The following CTSH variants were observed in gnomAD, a reference collection of about 807,000 sequenced individuals.
CTSH encodes the protein cathepsin H, also known as pro-cathepsin H.
In CTSH, 52 loss-of-function variants were observed where a neutral mutation model predicts 56.3. The observed-to-expected ratio is 0.92, with a 90% CI of 0.74 to 1.16. The LOEUF (loss-of-function observed/expected upper bound fraction) is 1.16, where lower values mean the gene tolerates loss of function less well. Among genes scored for constraint, CTSH ranks in the 50% most tolerant of loss-of-function variants. The probability of loss-of-function intolerance (pLI) is 0.00; values close to 1 mark genes in which losing one functional copy is unlikely to be tolerated. For synonymous variants in CTSH, 174 were observed against 155.7 expected (o/e 1.12, Z -0.88); for missense variants, 406 against 424.5 (o/e 0.96, Z 0.38).
chr15:78,928,062 C>T (rs1366338571), intron 8 of CTSH, among the ~76,000 whole-genome samples: 5 of 152,074 alleles, frequency 3.3e-5, no homozygotes, highest in Admixed American at 1.3e-4. Flanking sequence ...AAGTGGAGGC[C>T]GAGTCAGAGC....
At chr15:78,937,235 C>T in intron 3 of CTSH, 83 bp downstream of exon 3, 2 of 1,135,632 alleles carry the variant, frequency 1.8e-6, no homozygotes, top group South Asian at 1.3e-5. Flanking sequence ...GCTCCCTCCA[C>T]CCACCAGCCC....
Position 78,934,992 on chromosome 15 carries a change from G to T in CTSH, c.391C>A (p.Pro131Thr). The stretch of plus-strand genomic sequence containing the variant: ...GCCAGGCATACCTGATTTTTCACAG[G>T]TGAGACAAAATTTCCTTTTTTCCGC... Reference protein sequence around the residue: ...DWRKKGNFVSPVKNQGACGSC... With the variant: ...DWRKKGNFVSTVKNQGACGSC... Residue 131 changes from proline (P) to threonine (T), a missense_variant, in exon 5 of 12, where the codon CCT becomes ACT. Coordinates refer to ENST00000220166, the MANE Select transcript of CTSH (RefSeq NM_004390.5). 6.2e-7 allele frequency: 1 copy of T among 1,612,680 alleles called. No homozygotes were observed. The highest frequency in any genetic ancestry group is 8.5e-7 in the Non-Finnish European group (1 of 1,178,714).
chr15:78,931,347 C>A (rs1344953187), intron 7 of CTSH, 104 bp downstream of exon 7: 17 of 1,459,494 alleles, frequency 1.2e-5, no homozygotes, highest in Non-Finnish European at 1.6e-5. Context: ...TCGCCCAGGG[C>A]AGTGGTGGGT....
intron 3 of CTSH, among the ~76,000 whole-genome samples, chr15:78,936,180 CTTTTTTTTTTTTTTT>C (rs66819363): frequency 4.4e-5 from 4 of 90,866 alleles, no homozygotes; most frequent in Non-Finnish European, 9.2e-5. Context: ...CTTTTCTTTT[CTTTTTTTTTTTTTTT>C]TTTTTGAGAC....
rs201782561 is a variant in CTSH, at chr15:78,937,348, C to T, written c.199G>A (p.Ala67Thr). 1.9e-5 allele frequency: 31 copies of T among 1,613,902 alleles called. No homozygotes were observed. The highest frequency in any genetic ancestry group is 2.5e-5 in the Non-Finnish European group (30 of 1,179,938). The change falls in exon 3 of 12, where the codon GCC becomes ACC. Residue 67 changes from alanine to threonine, a missense_variant. Transcript: ENST00000220166. ...TFASNWRKIN[A>T]HNNGNHTFKM... is the part of the protein sequence containing the mutation. The stretch of plus-strand genomic sequence containing the variant: ...AATGTGTGGTTCCCATTGTTGTGGG[C>T]GTTTATCTTCCTCCAGTTGCTGGCA...
intron 1 of CTSH, among the ~76,000 whole-genome samples, chr15:78,944,069 A>AC (rs1014348530): frequency 1.5e-4 from 23 of 151,504 alleles, no homozygotes; most frequent in South Asian, 2.1e-4. Context: ...AGCTCAGGGC[A>AC]CCCCCCCTCC....
chr15:78,929,961 G>A (rs1218649636), intron 7 of CTSH, among the ~76,000 whole-genome samples: 1 of 152,204 alleles, frequency 6.6e-6, no homozygotes, highest in African/African-American at 2.4e-5. Context: ...CCAAAAGTGG[G>A]TCTTTTCTAC....
At chr15:78,934,795 C>T (rs1368211650) in intron 5 of CTSH, 183 bp downstream of exon 5, 7 of 691,442 alleles carry the variant, frequency 1.0e-5, no homozygotes, top group Non-Finnish European at 1.9e-5. Context: ...TCCTCCAGAG[C>T]AGCCTAGAGA....
At chr15:78,928,604 A>T (rs1180041269) in intron 8 of CTSH, among the ~76,000 whole-genome samples, 1 of 150,356 alleles carries the variant, frequency 6.7e-6, no homozygotes, top group African/African-American at 2.4e-5. Flanking sequence ...GGAGAGTAAA[A>T]GAGACAGGGA....
chr15:78,929,977 G>A (rs777332667), intron 7 of CTSH, among the ~76,000 whole-genome samples: 2 of 152,198 alleles, frequency 1.3e-5, no homozygotes, highest in Non-Finnish European at 2.9e-5. Flanking sequence ...TCTACATCAT[G>A]TGGCCTCCCA....
rs556761178 is a variant in CTSH, at chr15:78,925,862, C to T, written c.700-422G>A. On this transcript the variant is annotated intron_variant, in intron 9 of 11. Coordinates refer to ENST00000220166, the MANE Select transcript of CTSH (RefSeq NM_004390.5). ...GGCGGTGGAAACGAGAAGACCCATC[C>T]GAGGGCTGTGTGACTTCTGAGTAGA... 229 of 175,362 alleles carry T rather than the reference C, an allele frequency of 1.3e-3. 2 individuals are homozygous for T. Among genetic ancestry groups the T allele is most frequent in the African/African-American group, 3.1e-3 (132 of 42,504 alleles). The allele number at this position is 175,362 out of a possible 1,614,324, so 10.9% of individuals were successfully genotyped here.
chr15:78,944,950 C>A lies in CTSH; in HGVS notation c.32G>T (p.Gly11Val), dbSNP rs1286583185. MWATLPLLCA[G>V]AWLLGVPVCG... ...GACGGGGACTCCCAGGAGCCAGGCCCCGGCGCAGAGCAGCGGCAGCGTGGC... is the reference window on the plus strand; with the variant it reads ...GACGGGGACTCCCAGGAGCCAGGCCACGGCGCAGAGCAGCGGCAGCGTGGC... The change falls in exon 1 of 12, where the codon GGG (glycine) becomes GTG (valine). Residue 11 changes from glycine (G) to valine (V), a missense_variant. Coordinates refer to ENST00000220166, the MANE Select transcript of CTSH (RefSeq NM_004390.5). 1.9e-6 allele frequency: 3 copies of A among 1,547,598 alleles called. No individual in the cohort carries two copies. The highest frequency in any genetic ancestry group is 2.4e-5 in the South Asian group (2 of 83,814).
chr15:78,925,899 C>A, intron 9 of CTSH: 1 of 159,474 alleles, frequency 6.3e-6, no homozygotes, highest in Non-Finnish European at 1.4e-5. Flanking sequence ...CCTGTCCCCT[C>A]CAAGGGGGAA....
At chr15:78,934,008 G>A (rs966578526) in intron 5 of CTSH, among the ~76,000 whole-genome samples, 1 of 152,162 alleles carries the variant, frequency 6.6e-6, no homozygotes, top group African/African-American at 2.4e-5. Context: ...TCCAAGTGGT[G>A]GGCAGGTTTA....
At chr15:78,926,823 G>GTT (rs1280738552) in intron 9 of CTSH, 1 of 152,194 alleles carries the variant, frequency 6.6e-6, no homozygotes, top group African/African-American at 2.4e-5. Flanking sequence ...CCTAGGGCCA[G>GTT]TTCGGGTCTA....
Position 78,944,910 on chromosome 15 carries a change from T to C in CTSH, c.72A>G (p.Glu24=). 6.5e-7 allele frequency: 1 copy of C among 1,548,714 alleles called. No individual in the cohort carries two copies. The highest frequency in any genetic ancestry group is 1.2e-5 in the South Asian group (1 of 83,840). The part of the protein sequence containing the change: ...LLGVPVCGAA[E]LCVNSLEKFH... The stretch of plus-strand genomic sequence containing the variant: ...GCGTACCTAAGGAGTTCACGCACAG[T>C]TCGGCGGCACCGCAGACGGGGACTC... The change falls in exon 1 of 12, where the codon GAA becomes GAG. Residue 24 remains glutamate, a synonymous_variant. Coordinates refer to ENST00000220166, the MANE Select transcript of CTSH (RefSeq NM_004390.5).
rs529575099 is a variant in CTSH, at chr15:78,935,541, T to C, written c.300+139A>G. Reference sequence around the variant, plus strand: ...AACTGCTGAGAGCTGACTCTTCTGGTTCCCCCAAAGAATCTGGGGATACCC... The same window carrying C: ...AACTGCTGAGAGCTGACTCTTCTGGCTCCCCCAAAGAATCTGGGGATACCC... On this transcript the variant is annotated intron_variant, in intron 4 of 11. Coordinates refer to ENST00000220166, the MANE Select transcript of CTSH (RefSeq NM_004390.5). The C allele has an allele frequency of 6.0e-6, 4 of 667,608 alleles. No individual in the cohort carries two copies. The Admixed American group carries it at 8.7e-5, about 14-fold the overall frequency. The allele number at this position is 667,608 out of a possible 1,614,324, so 41.4% of individuals were successfully genotyped here.
chr15:78,935,218 C>G, intron 4 of CTSH, 136 bp from the exon 5 acceptor site: 1 of 640,526 alleles, frequency 1.6e-6, no homozygotes, highest in Non-Finnish European at 2.7e-6. Flanking sequence ...AACCTTCCCT[C>G]TCCTGTCTAC....
intron 9 of CTSH, chr15:78,927,267 C>T (rs556203429): frequency 1.6e-5 from 3 of 192,554 alleles, no homozygotes; most frequent in East Asian, 1.6e-4. Flanking sequence ...TGTGCATGGG[C>T]GCAGGAGTGC....
Sources: gnomAD v4.1 joint callset for allele counts (sites outside exome capture counted in the v4.1 genomes callset) on GRCh38, gnomAD v4.1.1 for gene constraint, MANE v1.5 for transcripts, NCBI Gene and HGNC (gene_info 2026-07-23, HGNC 2026-07-21) for gene names.